The following ARMH3 variants were observed in gnomAD, a reference collection of about 807,000 sequenced individuals.
ARMH3 encodes armadillo like helical domain containing 3, also known as armadillo-like helical domain-containing protein 3.
Under a neutral mutation model 99.1 loss-of-function variants are expected in ARMH3, and 60 were observed. The observed-to-expected ratio is 0.61, with a 90% CI of 0.49 to 0.75. ARMH3 has a LOEUF of 0.75. ARMH3 is among the 30% of genes least tolerant of loss of function. The probability of loss-of-function intolerance (pLI) is 0.00; values close to 1 mark genes in which losing one functional copy is unlikely to be tolerated. For missense variants in ARMH3, 679 were observed against 843.1 expected, an observed-to-expected ratio of 0.81 and a Z score of 2.41; for synonymous variants, 285 against 292.8, an observed-to-expected ratio of 0.97 and a Z score of 0.27.
intron 24 of ARMH3, among the ~76,000 whole-genome samples, chr10:101,864,957 T>A (rs566185356): frequency 2.0e-4 from 30 of 152,152 alleles, no homozygotes; most frequent in Non-Finnish European, 3.1e-4. Context: ...AATTTTTTTT[T>A]AATTATATTA....
chr10:101,991,942 A>G, intron 18 of ARMH3, 27 bp downstream of exon 18: 4 of 1,592,268 alleles, frequency 2.5e-6, no homozygotes, highest in Non-Finnish European at 3.4e-6. Context: ...TCACAGAACA[A>G]TGTCAATGTT....
rs189687200 is a variant in ARMH3 at position 101,852,711 on chromosome 10, G to A, written c.1861-2819C>T. ...ATGCCATGCCATGAGCTGTGATCACGCCACTGCACTACTGCCTGGATGACA... is the reference window on the plus strand; with the variant it reads ...ATGCCATGCCATGAGCTGTGATCACACCACTGCACTACTGCCTGGATGACA... On this transcript the variant is annotated intron_variant, in intron 24 of 25. Coordinates refer to ENST00000370033, the MANE Select transcript of ARMH3 (RefSeq NM_024541.3). Among the ~76,000 whole-genome samples the A allele has an allele frequency of 2.0e-4, 30 of 151,108 alleles. No individual in the cohort carries two copies. In the East Asian group the frequency reaches 4.1e-3, roughly 21 times the overall value.
intron 24 of ARMH3, among the ~76,000 whole-genome samples, chr10:101,868,535 T>G (rs2067059430): frequency 6.6e-6 from 1 of 152,180 alleles, no homozygotes; most frequent in Non-Finnish European, 1.5e-5. Flanking sequence ...CTCTTCTGCC[T>G]CTGCCATCCT....
intron 20 of ARMH3, among the ~76,000 whole-genome samples, chr10:101,967,362 T>C (rs1845582532): frequency 6.6e-6 from 1 of 152,168 alleles, no homozygotes; most frequent in South Asian, 2.1e-4. Context: ...CCCAGGGACA[T>C]TGCCAGCAAT....
intron 20 of ARMH3, among the ~76,000 whole-genome samples, 163 bp downstream of exon 20, chr10:101,975,049 T>TAAAAAAAAAAAAAA (rs11399489): frequency 3.0e-4 from 9 of 29,666 alleles, no homozygotes; most frequent in Non-Finnish European, 3.0e-4. Flanking sequence ...AGCTAAAACG[T>TAAAAAAAAAAAAAA]AAAAAAAAAA....
intron 20 of ARMH3, among the ~76,000 whole-genome samples, chr10:101,961,088 T>G (rs1001945114): frequency 6.6e-6 from 1 of 152,132 alleles, no homozygotes; most frequent in Non-Finnish European, 1.5e-5. Flanking sequence ...TTGGTCCCCA[T>G]TTTCCCTTGG....
chr10:102,035,475 T>C (rs969526996), intron 2 of ARMH3, among the ~76,000 whole-genome samples: 2 of 152,250 alleles, frequency 1.3e-5, no homozygotes, highest in Admixed American at 6.5e-5. Context: ...ACTGTACTGC[T>C]GCCATCTCGG....
chr10:101,887,675 T>A (rs1000366301), intron 24 of ARMH3, among the ~76,000 whole-genome samples: 1 of 145,612 alleles, frequency 6.9e-6, no homozygotes, highest in Non-Finnish European at 1.5e-5. Context: ...TCAAGCAATC[T>A]GCCCACCTCA....
At chr10:101,939,011 G>GA (rs1043137670) in intron 23 of ARMH3, among the ~76,000 whole-genome samples, 7 of 151,990 alleles carry the variant, frequency 4.6e-5, no homozygotes, top group Non-Finnish European at 8.8e-5. Context: ...AAAGATATAG[G>GA]AAAAAAATCA....
intron 23 of ARMH3, among the ~76,000 whole-genome samples, chr10:101,915,800 CTTTTTTTTT>C (rs781162716): frequency 7.6e-5 from 10 of 130,860 alleles, no homozygotes; most frequent in African/African-American, 2.8e-4. Context: ...ATTGCAAGTC[CTTTTTTTTT>C]TTTTTTTTTT....
At chr10:101,958,049 T>C (rs567750642) in intron 20 of ARMH3, among the ~76,000 whole-genome samples, 2 of 152,356 alleles carry the variant, frequency 1.3e-5, no homozygotes, top group East Asian at 3.9e-4. Context: ...CACATGGTGA[T>C]TTCCCCATCA....
At chr10:101,903,812 T>C (rs965426596) in intron 23 of ARMH3, among the ~76,000 whole-genome samples, 1 of 152,228 alleles carries the variant, frequency 6.6e-6, no homozygotes, top group African/African-American at 2.4e-5. Flanking sequence ...AGGACAACTT[T>C]TGTGAAAGCC....
intron 2 of ARMH3, among the ~76,000 whole-genome samples, chr10:102,037,145 C>G (rs1396671036): frequency 5.3e-5 from 8 of 150,494 alleles, no homozygotes; most frequent in African/African-American, 2.0e-4. Context: ...AAGTCCTGAT[C>G]TAATAAAATA....
chr10:102,020,536 A>C (rs2066858965), intron 8 of ARMH3, among the ~76,000 whole-genome samples: 1 of 151,998 alleles, frequency 6.6e-6, no homozygotes, highest in Non-Finnish European at 1.5e-5. Context: ...ATACAAAAAA[A>C]TTAGCCAGGC....
chr10:101,964,879 G>A (rs948353229), intron 20 of ARMH3, among the ~76,000 whole-genome samples: 2 of 151,912 alleles, frequency 1.3e-5, no homozygotes, highest in Non-Finnish European at 2.9e-5. Context: ...CTGGCATGGT[G>A]GTACACACCT....
At chr10:101,943,572 C>T (rs895776557) in intron 22 of ARMH3, among the ~76,000 whole-genome samples, 1 of 152,076 alleles carries the variant, frequency 6.6e-6, no homozygotes, top group Non-Finnish European at 1.5e-5. Context: ...AGAAACAGAA[C>T]AAAATCCAGC....
At chr10:102,036,463 A>T (rs2067274779) in intron 2 of ARMH3, among the ~76,000 whole-genome samples, 1 of 152,186 alleles carries the variant, frequency 6.6e-6, no homozygotes, top group Admixed American at 6.5e-5. Context: ...AGCTAGAGAA[A>T]TCAGATTGTT....
rs969157541 is a variant in ARMH3, at chr10:101,846,446, T to A, written c.*1082A>T. ...TTGAGGGCTCCAGAAAGCCTGTCAA[T>A]GTTTATTTCATACACACCCTAAAGA... On this transcript the variant is annotated 3_prime_UTR_variant, in exon 26 of 26. Coordinates refer to ENST00000370033, the MANE Select transcript of ARMH3 (RefSeq NM_024541.3). The A allele has an allele frequency of 6.6e-6, 1 of 152,206 alleles. No individual in the cohort carries two copies. Among genetic ancestry groups the A allele is most frequent in the Non-Finnish European group, 1.5e-5 (1 of 68,054 alleles). The allele number at this position is 152,206 out of a possible 1,614,324, so 9.4% of individuals were successfully genotyped here.
At chr10:101,963,206 G>A (rs558249394) in intron 20 of ARMH3, among the ~76,000 whole-genome samples, 3 of 149,882 alleles carry the variant, frequency 2.0e-5, no homozygotes, top group African/African-American at 7.4e-5. Context: ...GCAGTGGCAC[G>A]ATCATGGCTC....
Sources: allele counts gnomAD v4.1 joint callset (sites outside exome capture counted in the v4.1 genomes callset), GRCh38; gene constraint gnomAD v4.1.1; transcripts MANE v1.5; gene names NCBI Gene and HGNC (gene_info 2026-07-23, HGNC 2026-07-21).